KIF6: variants seen among roughly 807,000 people sequenced by gnomAD.
KIF6 encodes the protein kinesin family member 6, also known as kinesin-like protein KIF6.
A neutral mutation model predicts 112.7 loss-of-function variants in KIF6; 106 were observed. The observed-to-expected ratio is 0.94, with a 90% confidence interval of 0.80 to 1.11. The LOEUF (loss-of-function observed/expected upper bound fraction) is 1.11. KIF6 is among the 50% of genes least tolerant of loss of function. KIF6 has a pLI of 0.00. For missense variants in KIF6, 929 were observed against 964.0 expected, an observed-to-expected ratio of 0.96 and a Z score of 0.48; for synonymous variants, 339 against 339.9, an observed-to-expected ratio of 1.00 and a Z score of 0.03.
chr6:39,610,153 G>A (rs915297476), intron 6 of KIF6, among the ~76,000 whole-genome samples: 11 of 152,068 alleles, frequency 7.2e-5, no homozygotes, highest in South Asian at 2.1e-4. Context: ...TTATACTTGC[G>A]ACTGGTGGAC....
intron 3 of KIF6, among the ~76,000 whole-genome samples, chr6:39,686,411 C>T (rs954441767): frequency 6.6e-6 from 1 of 152,150 alleles, no homozygotes; most frequent in African/African-American, 2.4e-5. Flanking sequence ...AATCACATGG[C>T]AAATGGAAAC....
At chr6:39,350,136 A>G (rs11757702) in intron 19 of KIF6, among the ~76,000 whole-genome samples, 38,784 of 152,064 alleles carry the variant, frequency 0.26, 8,155 homozygotes, top group African/African-American at 0.58. Flanking sequence ...ACACAGCTTT[A>G]CCCTTTAAAA....
intron 16 of KIF6, among the ~76,000 whole-genome samples, chr6:39,383,366 T>C (rs2150310388): frequency 6.6e-6 from 1 of 152,332 alleles, no homozygotes; most frequent in South Asian, 2.1e-4. Context: ...GGAATCTAGT[T>C]TCATTCTCTG....
At chr6:39,718,328 A>G (rs1789989689) in intron 2 of KIF6, 1 of 152,174 alleles carries the variant, frequency 6.6e-6, no homozygotes, top group Admixed American at 6.5e-5. Context: ...CATGTTGAAT[A>G]AAATATTTCA....
Position 39,685,712 on chromosome 6 carries a change from G to A in KIF6, c.251+28980C>T, listed in dbSNP as rs1231301358. 8.8e-4 allele frequency among the ~76,000 whole-genome samples: 134 copies of A among 152,328 alleles called. 3 individuals carry two copies. The highest frequency in any genetic ancestry group is 1.9e-4 in the Non-Finnish European group (13 of 68,030). ...AGAGGGGAAATTTTGCTGAGTATAT[G>A]ACAGAAAAAGAAATGGAAGGCTTAA... On this transcript the variant is annotated intron_variant, in intron 3 of 22. Coordinates refer to ENST00000287152, the MANE Select transcript of KIF6 (RefSeq NM_145027.6).
chr6:39,638,152 T>C (rs1015205518), intron 4 of KIF6, among the ~76,000 whole-genome samples: 1 of 152,094 alleles, frequency 6.6e-6, no homozygotes, highest in Non-Finnish European at 1.5e-5. Flanking sequence ...TTAATATCCA[T>C]ATGTGGATAT....
At chr6:39,662,106 TAA>T (rs1244650370) in intron 3 of KIF6, among the ~76,000 whole-genome samples, 5 of 152,188 alleles carry the variant, frequency 3.3e-5, no homozygotes, top group African/African-American at 1.2e-4. Flanking sequence ...TTGTTTTATT[TAA>T]AGAGTTTGAA....
chr6:39,351,981 C>T (rs1764277421), intron 19 of KIF6, among the ~76,000 whole-genome samples: 1 of 152,194 alleles, frequency 6.6e-6, no homozygotes, highest in Non-Finnish European at 1.5e-5. Context: ...ATTTACTGGC[C>T]TCTAGAGGTT....
chr6:39,558,798 C>T (rs986631798), intron 10 of KIF6, among the ~76,000 whole-genome samples: 3 of 152,130 alleles, frequency 2.0e-5, no homozygotes, highest in Non-Finnish European at 4.4e-5. Context: ...TATGCCTCAT[C>T]CTTTTTAAAT....
At chr6:39,543,007 G>T (rs951398006) in intron 12 of KIF6, among the ~76,000 whole-genome samples, 1 of 152,194 alleles carries the variant, frequency 6.6e-6, no homozygotes, top group African/African-American at 2.4e-5. Flanking sequence ...CACATGAATG[G>T]TGATGCCTGG....
chr6:39,408,169 C>T (rs1037873240), intron 15 of KIF6, among the ~76,000 whole-genome samples: 2 of 152,098 alleles, frequency 1.3e-5, no homozygotes, highest in East Asian at 1.9e-4. Context: ...AAAACAATAA[C>T]GAAATGCCAT....
At chr6:39,530,462 C>G (rs1382910350) in intron 13 of KIF6, among the ~76,000 whole-genome samples, 4 of 152,180 alleles carry the variant, frequency 2.6e-5, no homozygotes, top group African/African-American at 7.2e-5. Context: ...ACAACTCTTT[C>G]CAAACTACGG....
intron 2 of KIF6, among the ~76,000 whole-genome samples, chr6:39,718,203 C>G (rs56323684): frequency 7.1e-6 from 1 of 139,938 alleles, no homozygotes; most frequent in Admixed American, 7.6e-5. Flanking sequence ...GCACTCCAGC[C>G]TGGGCGACAG....
chr6:39,666,107 T>A (rs994069988), intron 3 of KIF6, among the ~76,000 whole-genome samples: 3 of 152,228 alleles, frequency 2.0e-5, no homozygotes, highest in African/African-American at 7.2e-5. Flanking sequence ...CATGCATTTT[T>A]AAATTCAAGT....
chr6:39,586,825 C>T (rs10947821), intron 7 of KIF6, among the ~76,000 whole-genome samples: 23,596 of 152,090 alleles, frequency 0.16, 2,075 homozygotes, highest in Admixed American at 0.26. Context: ...GGTTGAGGTC[C>T]CAGATTCTCA....
At chr6:39,671,232 A>T (rs2199171) in intron 3 of KIF6, among the ~76,000 whole-genome samples, 13 of 152,044 alleles carry the variant, frequency 8.6e-5, no homozygotes, top group Admixed American at 7.2e-4. Flanking sequence ...ATGTGCTTTA[A>T]GCAGGATGTG....
intron 16 of KIF6, among the ~76,000 whole-genome samples, chr6:39,374,519 A>G (rs1474229160): frequency 6.6e-6 from 1 of 152,210 alleles, no homozygotes; most frequent in African/African-American, 2.4e-5. Context: ...GACTCAAGCA[A>G]CTCAACAGCA....
intron 5 of KIF6, among the ~76,000 whole-genome samples, chr6:39,626,823 A>C (rs1400744404): frequency 6.6e-6 from 1 of 152,122 alleles, no homozygotes; most frequent in African/African-American, 2.4e-5. Flanking sequence ...CATTTTTAAC[A>C]ATCATCCCAG....
At chr6:39,617,846 A>G (rs1783609114) in intron 5 of KIF6, 5 of 428,038 alleles carry the variant, frequency 1.2e-5, no homozygotes, top group Non-Finnish European at 4.8e-6. Flanking sequence ...AAATAACTAG[A>G]TATGTTTCAC....
Sources: allele counts gnomAD v4.1 joint callset (sites outside exome capture counted in the v4.1 genomes callset), GRCh38; gene constraint gnomAD v4.1.1; transcripts MANE v1.5; gene names NCBI Gene and HGNC (gene_info 2026-07-23, HGNC 2026-07-21).